Variants in BRINP3 observed in about 807,000 individuals in gnomAD.
BRINP3 encodes the protein BMP/retinoic acid-inducible neural-specific protein 3.
Under a neutral mutation model 71.0 loss-of-function variants are expected in BRINP3, and 19 were observed. The ratio of observed to expected loss-of-function variants is 0.27; its 90% CI spans 0.19 to 0.39. The LOEUF is 0.39. BRINP3 is among the 10% of genes least tolerant of loss of function. The pLI is 1.00. For missense variants in BRINP3, 959 were observed against 940.8 expected, an observed-to-expected ratio of 1.02 and a Z score of -0.25; for synonymous variants, 380 against 337.7, an observed-to-expected ratio of 1.13 and a Z score of -1.37.
chr1:190,445,927 A>G (rs1273224934), intron 2 of BRINP3, among the ~76,000 whole-genome samples: 2 of 152,174 alleles, frequency 1.3e-5, no homozygotes, highest in Non-Finnish European at 2.9e-5. Context: ...TTAACTAGCA[A>G]TCTTGTTTAT....
chr1:190,310,548 G>A (rs1665446057), intron 2 of BRINP3, among the ~76,000 whole-genome samples: 1 of 151,526 alleles, frequency 6.6e-6, no homozygotes, highest in Admixed American at 6.6e-5. Flanking sequence ...CATACTGCAT[G>A]CCATTTTTTA....
intron 2 of BRINP3, among the ~76,000 whole-genome samples, chr1:190,299,604 C>T (rs1438228206): frequency 4.3e-5 from 5 of 115,854 alleles, no homozygotes; most frequent in African/African-American, 1.7e-4. Context: ...CCACAACAGT[C>T]CCCAGAGTGT....
intron 2 of BRINP3, among the ~76,000 whole-genome samples, chr1:190,338,047 A>G (rs718608): frequency 0.39 from 58,682 of 151,904 alleles, 12,611 homozygotes; most frequent in Non-Finnish European, 0.49. Flanking sequence ...TTTAGTCTAC[A>G]TAATACATCC....
chr1:190,383,452 G>T (rs1444795773), intron 2 of BRINP3, among the ~76,000 whole-genome samples: 1 of 151,932 alleles, frequency 6.6e-6, no homozygotes, highest in Non-Finnish European at 1.5e-5. Flanking sequence ...CTAAATTCTG[G>T]ATATTTTACC....
intron 2 of BRINP3, among the ~76,000 whole-genome samples, chr1:190,442,209 T>G (rs1674870048): frequency 6.6e-6 from 1 of 152,204 alleles, no homozygotes; most frequent in Non-Finnish European, 1.5e-5. Context: ...TTTGAAAGAT[T>G]ACATTTCGTG....
At chr1:190,439,876 G>GT (rs1443249322) in intron 2 of BRINP3, among the ~76,000 whole-genome samples, 1 of 151,882 alleles carries the variant, frequency 6.6e-6, no homozygotes, top group African/African-American at 2.4e-5. Flanking sequence ...TCGTGGGCAA[G>GT]TTTTTTTAAT....
At chr1:190,300,022 T>G (rs535973239) in intron 2 of BRINP3, among the ~76,000 whole-genome samples, 1 of 152,092 alleles carries the variant, frequency 6.6e-6, no homozygotes. Context: ...CTGACAATTA[T>G]GTGTCTTGTT....
intron 2 of BRINP3, among the ~76,000 whole-genome samples, chr1:190,306,467 T>C (rs1474766738): frequency 6.6e-6 from 1 of 151,886 alleles, no homozygotes; most frequent in Non-Finnish European, 1.5e-5. Flanking sequence ...ATTTTTAATA[T>C]TTATTTGAAA....
At chr1:190,356,781 G>A (rs963979834) in intron 2 of BRINP3, among the ~76,000 whole-genome samples, 5 of 152,036 alleles carry the variant, frequency 3.3e-5, no homozygotes, top group African/African-American at 1.2e-4. Context: ...ATAGACATCT[G>A]TGGGGAACAA....
chr1:190,422,552 C>T (rs1281502437), intron 2 of BRINP3, among the ~76,000 whole-genome samples: 1 of 151,594 alleles, frequency 6.6e-6, no homozygotes, highest in Non-Finnish European at 1.5e-5. Flanking sequence ...AGAAATGTTC[C>T]CTGATGTGCT....
At chr1:190,310,663 T>C (rs1665453080) in intron 2 of BRINP3, among the ~76,000 whole-genome samples, 1 of 151,722 alleles carries the variant, frequency 6.6e-6, no homozygotes, top group African/African-American at 2.4e-5. Flanking sequence ...CCTTTGTTAC[T>C]GTTTACTCAA....
In BRINP3 at chr1:190,255,521, G is replaced by T. The variant is rs187599820; in HGVS notation, c.618+9344C>A. On this transcript the variant is annotated intron_variant, in intron 4 of 7. Coordinates refer to ENST00000367462, the MANE Select transcript of BRINP3 (RefSeq NM_199051.3). ...CTGGTTTAGTCTTGGGAGGGTGTAG[G>T]TGTCCAGGAATTTGTCTATTTCTTC... is the stretch of plus-strand genomic sequence containing the variant. 2.0e-4 allele frequency among the ~76,000 whole-genome samples: 30 copies of T among 152,154 alleles called. No homozygotes were observed. The East Asian group carries it at 4.4e-3, about 22-fold the overall frequency.
At chr1:190,191,256 A>C (rs1654008257) in intron 6 of BRINP3, among the ~76,000 whole-genome samples, 1 of 152,134 alleles carries the variant, frequency 6.6e-6, no homozygotes, top group Non-Finnish European at 1.5e-5. Flanking sequence ...ATACAAATTA[A>C]ATTTAGAGCT....
chr1:190,394,150 A>G (rs1249904019), intron 2 of BRINP3, among the ~76,000 whole-genome samples: 1 of 151,584 alleles, frequency 6.6e-6, no homozygotes, highest in African/African-American at 2.4e-5. Context: ...TCAAAGTCCA[A>G]GTTAAACCAG....
chr1:190,311,994 C>T (rs1464150812), intron 2 of BRINP3, among the ~76,000 whole-genome samples: 1 of 134,060 alleles, frequency 7.5e-6, no homozygotes, highest in East Asian at 2.2e-4. Context: ...AAACTCAACA[C>T]TGTCTAGAAA....
At chr1:190,374,309 T>A (rs72731126) in intron 2 of BRINP3, among the ~76,000 whole-genome samples, 12,207 of 152,142 alleles carry the variant, frequency 0.08, 528 homozygotes, top group East Asian at 0.11. Context: ...TCTCTGACTA[T>A]CTGTCTATCT....
intron 2 of BRINP3, among the ~76,000 whole-genome samples, chr1:190,341,373 G>A (rs986261295): frequency 6.6e-6 from 1 of 151,782 alleles, no homozygotes; most frequent in African/African-American, 2.4e-5. Flanking sequence ...AATATATGAT[G>A]TTTAATATTT....
At chr1:190,182,636 C>G (rs556166564) in intron 6 of BRINP3, among the ~76,000 whole-genome samples, 1 of 152,066 alleles carries the variant, frequency 6.6e-6, no homozygotes, top group East Asian at 1.9e-4. Context: ...TAATCTCTGG[C>G]TTGCATGATA....
chr1:190,408,203 A>ATTTT (rs55768635), intron 2 of BRINP3, among the ~76,000 whole-genome samples: 2 of 141,372 alleles, frequency 1.4e-5, no homozygotes, highest in African/African-American at 5.6e-5. Flanking sequence ...TTATTTATTT[A>ATTTT]TTTTTTTTTT....
Sources: allele counts gnomAD v4.1 joint callset (sites outside exome capture counted in the v4.1 genomes callset), GRCh38; gene constraint gnomAD v4.1.1; transcripts MANE v1.5; gene names NCBI Gene and HGNC (gene_info 2026-07-23, HGNC 2026-07-21).